The following KALRN variants were observed in gnomAD, a reference collection of about 807,000 sequenced individuals.
KALRN encodes kalirin.
Under a neutral mutation model 353.7 loss-of-function variants are expected in KALRN, and 70 were observed. The ratio of observed to expected loss-of-function variants is 0.20; its 90% CI spans 0.16 to 0.24. KALRN has a LOEUF of 0.24. KALRN is among the 10% of genes least tolerant of loss of function. KALRN has a pLI of 1.00. For synonymous variants in KALRN, 1,391 were observed against 1,434.8 expected, an observed-to-expected ratio of 0.97 and a Z score of 0.69; for missense variants, 2,791 against 3,756.7, an observed-to-expected ratio of 0.74 and a Z score of 6.72.
At chr3:124,107,530 T>G (rs2062420796) in intron 1 of KALRN, among the ~76,000 whole-genome samples, 1 of 152,162 alleles carries the variant, frequency 6.6e-6, no homozygotes, top group African/African-American at 2.4e-5. Flanking sequence ...CCCTAGAGCT[T>G]CTTTTCTAGG....
At chr3:124,349,536 C>G (rs1020701720) in intron 10 of KALRN, among the ~76,000 whole-genome samples, 1 of 152,094 alleles carries the variant, frequency 6.6e-6, no homozygotes, top group Non-Finnish European at 1.5e-5. Context: ...CCCAGGGAAG[C>G]CAAAAGATTG....
chr3:124,438,989 C>T lies in KALRN; in HGVS notation c.3150C>T (p.Val1050=), dbSNP rs778116688. Residue 1050 remains valine (V), a synonymous_variant, in exon 18 of 60, where the codon GTC becomes GTT. Transcript: ENST00000682506. ...KLGPAAEIDH[V]IPLISKHLEQ... ...GGCCAGCAGCAGAGATCGACCATGT[C>T]ATTCCCCTCATCAGCAAACATTTGG... 6.2e-7 allele frequency: 1 copy of T among 1,614,068 alleles called. No individual in the cohort carries two copies. The highest frequency in any genetic ancestry group is 1.1e-5 in the South Asian group (1 of 91,066).
intron 17 of KALRN, among the ~76,000 whole-genome samples, chr3:124,435,873 T>G (rs1576912896): frequency 1.3e-5 from 2 of 152,242 alleles, no homozygotes; most frequent in South Asian, 4.2e-4. Context: ...AAAATGCAAA[T>G]GCAAAGAATA....
chr3:124,533,774 G>A (rs2068270255), intron 33 of KALRN, among the ~76,000 whole-genome samples: 2 of 152,210 alleles, frequency 1.3e-5, no homozygotes, highest in Admixed American at 1.3e-4. Context: ...AATGAGCCAT[G>A]CACTTTACTC....
chr3:124,537,715 GA>G (rs1311171276), intron 33 of KALRN, among the ~76,000 whole-genome samples: 1 of 152,238 alleles, frequency 6.6e-6, no homozygotes, highest in African/African-American at 2.4e-5. Flanking sequence ...GCATAGGTGA[GA>G]TTTGGCGTGC....
chr3:124,649,995 T>G (rs79540646), intron 37 of KALRN, among the ~76,000 whole-genome samples: 2 of 138,498 alleles, frequency 1.4e-5, no homozygotes, highest in Non-Finnish European at 3.2e-5. Context: ...ATAATAATAA[T>G]AATAATAATA....
intron 11 of KALRN, among the ~76,000 whole-genome samples, chr3:124,385,470 TAG>T (rs1172755254): frequency 2.6e-5 from 4 of 152,208 alleles, no homozygotes; most frequent in Non-Finnish European, 5.9e-5. Context: ...AAGGAACATG[TAG>T]AGTTTACAGA....
At chr3:124,678,521 C>CTT (rs3215109) in intron 50 of KALRN, 47 of 451,684 alleles carry the variant, frequency 1.0e-4, no homozygotes, top group African/African-American at 2.4e-4. Context: ...AAGTAAGTAC[C>CTT]TTTTTTTTCT....
chr3:124,214,845 G>A (rs1239923274), intron 1 of KALRN, among the ~76,000 whole-genome samples: 2 of 152,122 alleles, frequency 1.3e-5, no homozygotes, highest in East Asian at 1.9e-4. Context: ...GACAACTCAA[G>A]GCCAACTAAG....
chr3:124,297,370 T>C (rs1176988138), intron 5 of KALRN, among the ~76,000 whole-genome samples: 3 of 152,236 alleles, frequency 2.0e-5, no homozygotes, highest in African/African-American at 7.2e-5. Flanking sequence ...GTAGTGCAGT[T>C]CTCTTCTCCA....
chr3:124,557,972 C>T (rs1577966708), intron 33 of KALRN, among the ~76,000 whole-genome samples: 1 of 152,120 alleles, frequency 6.6e-6, no homozygotes, highest in Non-Finnish European at 1.5e-5. Flanking sequence ...AGTGAATCCT[C>T]ATTTTGCATA....
chr3:124,505,213 G>C (rs919145085), intron 33 of KALRN, among the ~76,000 whole-genome samples: 1 of 152,196 alleles, frequency 6.6e-6, no homozygotes, highest in Non-Finnish European at 1.5e-5. Flanking sequence ...AATGGTAGGG[G>C]AAACAGGGAA....
chr3:124,200,588 A>C (rs2075860518), intron 1 of KALRN, among the ~76,000 whole-genome samples: 1 of 152,124 alleles, frequency 6.6e-6, no homozygotes, highest in African/African-American at 2.4e-5. Flanking sequence ...TCAACATATA[A>C]ATTTGGGGCA....
At chr3:124,130,927 G>A (rs2065204586) in intron 1 of KALRN, among the ~76,000 whole-genome samples, 1 of 152,162 alleles carries the variant, frequency 6.6e-6, no homozygotes, top group Admixed American at 6.5e-5. Flanking sequence ...CCTAATGTGT[G>A]GGACAGAGGT....
At chr3:124,311,536 T>C (rs2078273900) in intron 6 of KALRN, among the ~76,000 whole-genome samples, 2 of 152,110 alleles carry the variant, frequency 1.3e-5, no homozygotes, top group Admixed American at 1.3e-4. Flanking sequence ...TGCTCACACA[T>C]GGCTGCAGGC....
At chr3:124,061,225 A>G (rs1413777873) in intron 1 of KALRN, among the ~76,000 whole-genome samples, 2 of 152,154 alleles carry the variant, frequency 1.3e-5, no homozygotes, top group South Asian at 2.1e-4. Flanking sequence ...TCATTGCTGC[A>G]CTCAGATCTC....
chr3:124,298,910 C>G lies in KALRN; in HGVS notation c.1089C>G (p.Ser363=). The G allele has an allele frequency of 6.2e-7, 1 of 1,614,160 alleles. No individual in the cohort carries two copies. Among genetic ancestry groups the G allele is most frequent in the South Asian group, 1.1e-5 (1 of 91,076 alleles). Residue 363 remains serine, a synonymous_variant, in exon 6 of 60, where the codon TCC becomes TCG. Transcript: ENST00000682506. ...QTQHNHFAMN[S]MNAYVNINRI... is the part of the protein sequence containing the mutation. ...AGCACAATCACTTTGCCATGAACTC[C>G]ATGGTGAGCTGAGGGGCTGTTCTCA...
intron 33 of KALRN, among the ~76,000 whole-genome samples, chr3:124,535,827 G>A (rs1002339279): frequency 6.6e-6 from 1 of 152,136 alleles, no homozygotes; most frequent in Non-Finnish European, 1.5e-5. Context: ...AAGCGGTCCA[G>A]GACTGGTAAA....
At chr3:124,460,897 T>G (rs779932745) in intron 23 of KALRN, among the ~76,000 whole-genome samples, 6 of 152,232 alleles carry the variant, frequency 3.9e-5, no homozygotes, top group Non-Finnish European at 8.8e-5. Context: ...TCTTTAAAGA[T>G]GCATAACACA....
Sources: gnomAD v4.1 joint callset for allele counts (sites outside exome capture counted in the v4.1 genomes callset) on GRCh38, gnomAD v4.1.1 for gene constraint, MANE v1.5 for transcripts, NCBI Gene and HGNC (gene_info 2026-07-23, HGNC 2026-07-21) for gene names.